Variants in ATG10 observed in about 807,000 individuals in gnomAD.
ATG10 encodes the protein ubiquitin-like-conjugating enzyme ATG10.
Under a neutral mutation model 32.1 loss-of-function variants are expected in ATG10, and 30 were observed. The ratio of observed to expected loss-of-function variants is 0.94; its 90% CI spans 0.70 to 1.27. The LOEUF is 1.27. Among genes scored for constraint, ATG10 ranks in the 50% most tolerant of loss-of-function variants. ATG10 has a pLI of 0.00. For synonymous variants in ATG10, 87 were observed against 91.5 expected (o/e 0.95, Z 0.28); for missense variants, 233 against 262.3 (o/e 0.89, Z 0.77).
At chr5:82,086,131 A>G (rs1764681641) in intron 3 of ATG10, among the ~76,000 whole-genome samples, 1 of 152,182 alleles carries the variant, frequency 6.6e-6, no homozygotes, top group South Asian at 2.1e-4. Flanking sequence ...CCCATTATTT[A>G]CTAATTAAAT....
At chr5:82,086,721 A>G (rs887260801) in intron 3 of ATG10, among the ~76,000 whole-genome samples, 1 of 152,182 alleles carries the variant, frequency 6.6e-6, no homozygotes, top group African/African-American at 2.4e-5. Context: ...AAGGCAGGAA[A>G]CCACACAAGT....
At position 82,049,711 on chromosome 5, in the gene ATG10, A is replaced by G. The variant is rs928910181; in HGVS notation, c.109-8784A>G. ...TGGTGTAATTAGGTAGTAACCTAAG[A>G]AAGAAGTATTGGCCCCATTTTGGGT... On this transcript the variant is annotated intron_variant, in intron 2 of 7. Transcript: ENST00000282185. Among the ~76,000 whole-genome samples, 4 of 152,214 alleles carry G rather than the reference A, an allele frequency of 2.6e-5. No homozygotes were observed. In the South Asian group the frequency reaches 6.2e-4, roughly 24 times the overall value.
At chr5:82,211,749 T>A (rs1745498287) in intron 5 of ATG10, among the ~76,000 whole-genome samples, 1 of 152,086 alleles carries the variant, frequency 6.6e-6, no homozygotes, top group Admixed American at 6.5e-5. Flanking sequence ...CTTCTCACAC[T>A]CCCATATTTC....
At chr5:82,026,967 G>A (rs1249922757) in intron 2 of ATG10, among the ~76,000 whole-genome samples, 1 of 151,898 alleles carries the variant, frequency 6.6e-6, no homozygotes, top group Non-Finnish European at 1.5e-5. Flanking sequence ...GCTGAGGCAG[G>A]AGAATCGCTT....
At chr5:82,141,634 T>C (rs1204802172) in intron 3 of ATG10, among the ~76,000 whole-genome samples, 8 of 151,750 alleles carry the variant, frequency 5.3e-5, no homozygotes, top group Admixed American at 4.6e-4. Flanking sequence ...TGCCAACAAA[T>C]ATAGCTTACT....
At chr5:82,010,542 C>T (rs1413570893) in intron 2 of ATG10, among the ~76,000 whole-genome samples, 1 of 152,036 alleles carries the variant, frequency 6.6e-6, no homozygotes, top group Non-Finnish European at 1.5e-5. Context: ...TTAAGTCGAT[C>T]CATGATAGGA....
At chr5:82,157,352 T>C (rs954826892) in intron 3 of ATG10, among the ~76,000 whole-genome samples, 10 of 152,212 alleles carry the variant, frequency 6.6e-5, no homozygotes, top group Non-Finnish European at 8.8e-5. Flanking sequence ...GTTTCAGTGT[T>C]GCCTTGGATG....
Position 82,043,491 on chromosome 5 carries a change from C to T in ATG10, c.109-15004C>T, listed in dbSNP as rs1275918960. 3.3e-5 allele frequency among the ~76,000 whole-genome samples: 5 copies of T among 152,258 alleles called. No homozygotes were observed. In the South Asian group the frequency reaches 6.2e-4, roughly 19 times the overall value. ...TTCTCATTACTTATGCAAATTTCTG[C>T]AGCTGGCTTGAATTCTTCCGTGGAA... On this transcript the variant is annotated intron_variant, in intron 2 of 7. Transcript: ENST00000282185.
intron 5 of ATG10, among the ~76,000 whole-genome samples, chr5:82,224,928 A>AT (rs1442624884): frequency 2.6e-5 from 4 of 152,246 alleles, no homozygotes; most frequent in Non-Finnish European, 5.9e-5. Flanking sequence ...CCTCCCATGT[A>AT]TTAAAAATAA....
intron 1 of ATG10, among the ~76,000 whole-genome samples, chr5:81,977,509 C>T (rs950074871): frequency 2.0e-5 from 3 of 152,206 alleles, no homozygotes; most frequent in South Asian, 2.1e-4. Flanking sequence ...CCTTGAAGAG[C>T]GGGTTCCCCA....
intron 2 of ATG10, among the ~76,000 whole-genome samples, chr5:82,018,154 G>A (rs377688510): frequency 4.6e-5 from 7 of 152,136 alleles, no homozygotes; most frequent in South Asian, 4.2e-4. Context: ...TAGTCTCCCC[G>A]CTCCCAAACT....
At chr5:82,174,494 A>T (rs1743932996) in intron 4 of ATG10, among the ~76,000 whole-genome samples, 1 of 152,222 alleles carries the variant, frequency 6.6e-6, no homozygotes, top group Non-Finnish European at 1.5e-5. Flanking sequence ...TACTTATTAA[A>T]GGTGAATTTG....
chr5:82,224,680 G>C (rs1388384516), intron 5 of ATG10, among the ~76,000 whole-genome samples: 1 of 152,118 alleles, frequency 6.6e-6, no homozygotes, highest in East Asian at 1.9e-4. Context: ...TGAAAGGAGG[G>C]TGTTTAAAGG....
chr5:82,183,215 G>T (rs953403347), intron 5 of ATG10, among the ~76,000 whole-genome samples: 1 of 151,864 alleles, frequency 6.6e-6, no homozygotes, highest in African/African-American at 2.4e-5. Context: ...AATTTCCCAA[G>T]TTCTTTTTTT....
chr5:81,998,651 A>G (rs984849929), intron 2 of ATG10, among the ~76,000 whole-genome samples: 2 of 152,240 alleles, frequency 1.3e-5, no homozygotes, highest in Non-Finnish European at 2.9e-5. Flanking sequence ...CCCATCTCAC[A>G]TGCAGTGACA....
Position 82,178,851 on chromosome 5 carries a change from TA to T in ATG10, c.453+271del, listed in dbSNP as rs199950370. On this transcript the variant is annotated intron_variant, in intron 5 of 7. Transcript: ENST00000282185. ...TTTTAAATTACATATTAGGATGATT[TA>T]AAAAAATTGATGTCTGTCTTCTCCA... Among the ~76,000 whole-genome samples, 22 of 152,238 alleles carry T rather than the reference TA, an allele frequency of 1.4e-4. No homozygotes were observed. In the East Asian group the frequency reaches 3.5e-3, roughly 24 times the overall value.
chr5:82,052,756 C>T (rs896214184), intron 2 of ATG10, among the ~76,000 whole-genome samples: 7 of 152,122 alleles, frequency 4.6e-5, no homozygotes, highest in South Asian at 2.1e-4. Context: ...TACTGTTCTG[C>T]GCTTTAAAAA....
chr5:81,982,089 G>A (rs1257851917), intron 1 of ATG10, among the ~76,000 whole-genome samples: 2 of 152,170 alleles, frequency 1.3e-5, no homozygotes, highest in African/African-American at 4.8e-5. Context: ...GGTTTTGATT[G>A]AATGTCACAA....
intron 3 of ATG10, among the ~76,000 whole-genome samples, chr5:82,123,430 A>G (rs539915554): frequency 4.9e-4 from 74 of 152,182 alleles, no homozygotes; most frequent in Non-Finnish European, 9.6e-4. Flanking sequence ...GGCTTAATAC[A>G]TGAGTGATGA....
Sources: gnomAD v4.1 joint callset for allele counts (sites outside exome capture counted in the v4.1 genomes callset) on GRCh38, gnomAD v4.1.1 for gene constraint, MANE v1.5 for transcripts, NCBI Gene and HGNC (gene_info 2026-07-23, HGNC 2026-07-21) for gene names.